MIA2: variants seen among roughly 807,000 people sequenced by gnomAD.
MIA2 encodes melanoma inhibitory activity protein 2.
In MIA2, 127 loss-of-function variants were observed where a neutral mutation model predicts 167.8. The ratio of observed to expected loss-of-function variants is 0.76; its 90% CI spans 0.66 to 0.88. The LOEUF (loss-of-function observed/expected upper bound fraction) is 0.88. Ranked by LOEUF, MIA2 falls within the 40% of genes least tolerant of loss-of-function variation. The pLI is 0.00. For missense variants in MIA2, 1,690 were observed against 1,624.7 expected (o/e 1.04, Z -0.69); for synonymous variants, 552 against 541.9 (o/e 1.02, Z -0.26).
In MIA2 at chr14:39,301,981, A is replaced by C. The variant is rs2152886008; in HGVS notation, c.2620-148A>C. The C allele has an allele frequency of 4.4e-6, 4 of 913,790 alleles. No homozygotes were observed. The South Asian group carries it at 9.2e-5, about 21-fold the overall frequency. 56.6% of individuals were successfully genotyped at this position (913,790 alleles called of 1,614,324 possible). A position where few individuals can be genotyped will look rare whatever the true frequency, so the allele number is the denominator to read the frequency against. The stretch of plus-strand genomic sequence containing the variant: ...AAATGTTACCATTTCTCAAGACTAC[A>C]ATATCTTAATAAGAGGTGGAAAATA... On this transcript the variant is annotated intron_variant, in intron 14 of 28. Transcript: ENST00000640607.
At chr14:39,288,461 A>ATT (rs1225086664) in intron 9 of MIA2, among the ~76,000 whole-genome samples, 14 of 19,890 alleles carry the variant, frequency 7.0e-4, no homozygotes, top group Admixed American at 1.5e-3. Context: ...ATATATATAT[A>ATT]TATATATATA....
chr14:39,310,226 C>G (rs1393720122), intron 18 of MIA2, among the ~76,000 whole-genome samples: 3 of 152,122 alleles, frequency 2.0e-5, no homozygotes, highest in South Asian at 2.1e-4. Context: ...TGTTTCAGCT[C>G]TCATTCTGTA....
At chr14:39,379,937 A>G (rs2075120325) in intron 23 of MIA2, among the ~76,000 whole-genome samples, 1 of 152,014 alleles carries the variant, frequency 6.6e-6, no homozygotes, top group African/African-American at 2.4e-5. Context: ...CAACAACAAC[A>G]AAAACCCCAC....
intron 9 of MIA2, among the ~76,000 whole-genome samples, chr14:39,284,572 T>G (rs2059360404): frequency 6.6e-6 from 1 of 152,174 alleles, no homozygotes; most frequent in Non-Finnish European, 1.5e-5. Context: ...AAAAAATTTC[T>G]GTGAAGAATG....
At chr14:39,379,131 A>T (rs1393539401) in intron 23 of MIA2, among the ~76,000 whole-genome samples, 3 of 151,894 alleles carry the variant, frequency 2.0e-5, no homozygotes, top group African/African-American at 7.2e-5. Flanking sequence ...ACCTTTTTAT[A>T]GTCTTTTATA....
At chr14:39,240,676 T>G (rs1283476159) in intron 3 of MIA2, 29 bp downstream of exon 3, 1 of 1,537,188 alleles carries the variant, frequency 6.5e-7, no homozygotes, top group Non-Finnish European at 9.0e-7. Flanking sequence ...AGTTGTTAAT[T>G]GAATTTAAAA....
chr14:39,279,785 A>G (rs1444549439), intron 9 of MIA2, among the ~76,000 whole-genome samples: 1 of 152,152 alleles, frequency 6.6e-6, no homozygotes. Context: ...ACACAAACAC[A>G]TCCTCTGCAT....
rs1244691860 is a variant in MIA2, at chr14:39,326,944, C to T, written c.3577C>T (p.Pro1193Ser). ...GESSCDRLTDPHRAPSDTGSL... is the reference protein window; with the variant it reads ...GESSCDRLTDSHRAPSDTGSL... ...ATCAAGCTGTGATAGGTTAACCGAT[C>T]CTCATAGGGCTCCCTCTGACACTGG... The change falls in exon 25 of 29, where the codon CCT (proline) becomes TCT (serine). Residue 1193 changes from proline to serine, a missense_variant. Coordinates refer to ENST00000640607, the MANE Select transcript of MIA2 (RefSeq NM_001329214.4). 6.3e-7 allele frequency: 1 copy of T among 1,595,398 alleles called. No individual in the cohort carries two copies. The highest frequency in any genetic ancestry group is 1.1e-5 in the South Asian group (1 of 88,010).
chr14:39,262,625 T>C (rs2152658027), intron 6 of MIA2, among the ~76,000 whole-genome samples: 1 of 152,376 alleles, frequency 6.6e-6, no homozygotes, highest in East Asian at 1.9e-4. Context: ...ATTTTCACAA[T>C]ATTGATTCTT....
intron 23 of MIA2, among the ~76,000 whole-genome samples, chr14:39,383,782 A>G (rs2075216124): frequency 6.6e-6 from 1 of 152,210 alleles, no homozygotes; most frequent in South Asian, 2.1e-4. Context: ...AACCAGCCAC[A>G]GCATTCTCTT....
At chr14:39,330,590 G>T (rs1171326073) in intron 25 of MIA2, among the ~76,000 whole-genome samples, 2 of 152,148 alleles carry the variant, frequency 1.3e-5, no homozygotes, top group African/African-American at 4.8e-5. Flanking sequence ...TTGATCTCCT[G>T]TGGGTATTTT....
At chr14:39,282,124 T>C in intron 9 of MIA2, among the ~76,000 whole-genome samples, 1 of 152,284 alleles carries the variant, frequency 6.6e-6, no homozygotes, top group East Asian at 1.9e-4. Context: ...TCAGTGATAA[T>C]ATAATAAAAA....
intron 6 of MIA2, among the ~76,000 whole-genome samples, chr14:39,264,338 A>G (rs1011320950): frequency 3.3e-5 from 5 of 152,118 alleles, no homozygotes; most frequent in South Asian, 2.1e-4. Flanking sequence ...TCTTTATCCA[A>G]TGCACCGTTG....
chr14:39,280,962 G>T (rs1198598245), intron 9 of MIA2, among the ~76,000 whole-genome samples: 1 of 110,972 alleles, frequency 9.0e-6, no homozygotes, highest in African/African-American at 3.4e-5. Context: ...TCTCTCTCTT[G>T]TCTAGGCTGC....
chr14:39,364,500 A>G (rs1158161536), intron 23 of MIA2, among the ~76,000 whole-genome samples: 1 of 131,482 alleles, frequency 7.6e-6, no homozygotes, highest in African/African-American at 2.9e-5. Context: ...CCTTATTTGT[A>G]TTTGCTTTAC....
At chr14:39,318,112 A>C in intron 22 of MIA2, 101 bp downstream of exon 22, 2 of 793,484 alleles carry the variant, frequency 2.5e-6, no homozygotes, top group Non-Finnish European at 4.0e-6. Flanking sequence ...CAGTGAATCC[A>C]GCATATCTTG....
intron 2 of MIA2, among the ~76,000 whole-genome samples, chr14:39,239,869 C>G (rs913531204): frequency 6.6e-6 from 1 of 152,078 alleles, no homozygotes; most frequent in African/African-American, 2.4e-5. Flanking sequence ...GAGAGCTGGA[C>G]AAATCACAGT....
At chr14:39,301,826 A>G (rs1248709631) in intron 14 of MIA2, among the ~76,000 whole-genome samples, 1 of 152,180 alleles carries the variant, frequency 6.6e-6, no homozygotes, top group East Asian at 1.9e-4. Flanking sequence ...GGGCACTGTT[A>G]TTTGTGGCAT....
At chr14:39,313,592 T>A (rs2064757766) in intron 19 of MIA2, 151 bp downstream of exon 19, 3 of 461,596 alleles carry the variant, frequency 6.5e-6, no homozygotes, top group Non-Finnish European at 1.2e-5. Context: ...TTTTGTCTCA[T>A]CACTTTTCAT....
Sources: allele counts gnomAD v4.1 joint callset (sites outside exome capture counted in the v4.1 genomes callset), GRCh38; gene constraint gnomAD v4.1.1; transcripts MANE v1.5; gene names NCBI Gene and HGNC (gene_info 2026-07-23, HGNC 2026-07-21).